Variants in IGDCC4 observed in about 807,000 individuals in gnomAD.
IGDCC4 encodes the protein immunoglobulin superfamily DCC subclass member 4.
In IGDCC4, 72 loss-of-function variants were observed where a neutral mutation model predicts 116.6. The observed-to-expected ratio is 0.62, with a 90% CI of 0.51 to 0.75. IGDCC4 has a LOEUF of 0.75. Ranked by LOEUF, IGDCC4 falls within the 30% of genes least tolerant of loss-of-function variation. The pLI is 0.00. For synonymous variants in IGDCC4, 709 were observed against 719.9 expected (o/e 0.98, Z 0.24); for missense variants, 1,501 against 1,662.4 (o/e 0.90, Z 1.69).
At chr15:65,398,212 A>G (rs2062945128) in intron 5 of IGDCC4, among the ~76,000 whole-genome samples, 1 of 152,180 alleles carries the variant, frequency 6.6e-6, no homozygotes, top group African/African-American at 2.4e-5. Flanking sequence ...CTAGTTTTCT[A>G]CGGTGAACAT....
intron 3 of IGDCC4, among the ~76,000 whole-genome samples, chr15:65,409,490 A>G (rs1222660720): frequency 6.6e-6 from 1 of 152,222 alleles, no homozygotes; most frequent in African/African-American, 2.4e-5. Context: ...ACCAACTCAG[A>G]GACCACAGAT....
intron 16 of IGDCC4, among the ~76,000 whole-genome samples, 183 bp from the exon 17 acceptor site, chr15:65,386,839 C>T (rs1301343579): frequency 6.6e-6 from 1 of 152,188 alleles, no homozygotes; most frequent in Non-Finnish European, 1.5e-5. Flanking sequence ...CTACCTCTCC[C>T]TCTGACTGTC....
At chr15:65,416,392 CT>C (rs1384410269) in intron 1 of IGDCC4, among the ~76,000 whole-genome samples, 1 of 152,134 alleles carries the variant, frequency 6.6e-6, no homozygotes, top group Non-Finnish European at 1.5e-5. Flanking sequence ...CCGCCTCGGC[CT>C]TCCAAAGTGC....
Position 65,422,941 on chromosome 15 carries a change from C to A in IGDCC4, c.-79G>T, listed in dbSNP as rs1197290146. ...CGCCGCGGGGGGAGAGCGCGCCGGG[C>A]GTCAGTGGCCCGGGGAGGCGCGGCG... On this transcript the variant is annotated 5_prime_UTR_variant, in exon 1 of 20. Transcript: ENST00000352385. 3 of 916,870 alleles carry A rather than the reference C, an allele frequency of 3.3e-6. No individual in the cohort carries two copies. Among genetic ancestry groups the A allele is most frequent in the South Asian group, 4.9e-5 (1 of 20,292 alleles). 56.8% of individuals were successfully genotyped at this position (916,870 alleles called of 1,614,324 possible). A position where few individuals can be genotyped will look rare whatever the true frequency, so the allele number is the denominator to read the frequency against.
In IGDCC4 at chr15:65,401,983, C is replaced by T. The variant is rs183119948; in HGVS notation, c.700+368G>A. On this transcript the variant is annotated intron_variant, in intron 4 of 19. Transcript: ENST00000352385. ...CCCCAGTGCCTGGACCCCTCAGTGA[C>T]TATAGAAGGGCAGGAGAGAAAGGGG... Among the ~76,000 whole-genome samples, 231 of 152,284 alleles carry T rather than the reference C, an allele frequency of 1.5e-3. 1 individual carries two copies. The highest frequency in any genetic ancestry group is 2.5e-3 in the Non-Finnish European group (172 of 68,018).
intron 5 of IGDCC4, among the ~76,000 whole-genome samples, chr15:65,397,378 A>G (rs1366921307): frequency 6.6e-6 from 1 of 152,228 alleles, no homozygotes; most frequent in Non-Finnish European, 1.5e-5. Context: ...GACCAAGCCA[A>G]CGATTCGAAT....
intron 3 of IGDCC4, among the ~76,000 whole-genome samples, chr15:65,407,297 A>G (rs1027345141): frequency 3.9e-5 from 6 of 152,206 alleles, no homozygotes; most frequent in Non-Finnish European, 7.4e-5. Context: ...TTGAAAAAAA[A>G]AAAAGATGAT....
intron 7 of IGDCC4, 41 bp from the exon 8 acceptor site, chr15:65,395,299 C>G (rs954519297): frequency 6.3e-7 from 1 of 1,580,330 alleles, no homozygotes; most frequent in African/African-American, 1.3e-5. Context: ...TAGTGCCACC[C>G]CCCCGTGCTG....
rs1373200870 is a variant in IGDCC4 at position 65,395,930 on chromosome 15, C to T, written c.1231G>A (p.Ala411Thr). The change falls in exon 7 of 20, where the codon GCG becomes ACG. Residue 411 changes from alanine to threonine, a missense_variant. Ala to Thr is a moderately conservative substitution (Grantham distance 58). This residue lies in a region of IGDCC4 where 898 missense variants were observed against 978.9 expected (regional missense o/e 0.92). Coordinates refer to ENST00000352385, the MANE Select transcript of IGDCC4 (RefSeq NM_020962.3). Reference sequence around the variant, plus strand: ...GACGCGGCAGCGCACGCCATTCCCGCGCTGTTCTCAGCCACGCACTGGTAG... The same window carrying T: ...GACGCGGCAGCGCACGCCATTCCCGTGCTGTTCTCAGCCACGCACTGGTAG... The part of the protein sequence containing the change: ...GYYQCVAENS[A>T]GMACAAASLA... The T allele has an allele frequency of 2.5e-6, 4 of 1,592,030 alleles. No homozygotes were observed. The highest frequency in any genetic ancestry group is 2.2e-5 in the East Asian group (1 of 44,450).
chr15:65,404,712 T>A (rs12592280), intron 3 of IGDCC4, among the ~76,000 whole-genome samples: 32,450 of 152,118 alleles, frequency 0.21, 4,321 homozygotes, highest in East Asian at 0.69. Flanking sequence ...AATGAATGAA[T>A]TCCTTTCCCC....
chr15:65,383,755 A>G lies in IGDCC4; in HGVS notation c.*254T>C, dbSNP rs2091424033. 9.7e-6 allele frequency: 4 copies of G among 410,332 alleles called. No homozygotes were observed. The highest frequency in any genetic ancestry group is 8.2e-5 in the Admixed American group (2 of 24,522). The allele number at this position is 410,332 out of a possible 1,614,324, so 25.4% of individuals were successfully genotyped here. A position where few individuals can be genotyped will look rare whatever the true frequency, so the allele number is the denominator to read the frequency against. On this transcript the variant is annotated 3_prime_UTR_variant, in exon 20 of 20. Coordinates refer to ENST00000352385, the MANE Select transcript of IGDCC4 (RefSeq NM_020962.3). ...TCCCAGCTCAACAACCAGTACGCAT[A>G]CATGCACTTCACACATGTGCACATC...
chr15:65,414,016 C>T (rs2063121398), intron 1 of IGDCC4, among the ~76,000 whole-genome samples: 1 of 152,196 alleles, frequency 6.6e-6, no homozygotes, highest in African/African-American at 2.4e-5. Context: ...AGACCACACA[C>T]AAATTGGTAA....
At chr15:65,387,185 C>A (rs1427889660) in intron 16 of IGDCC4, among the ~76,000 whole-genome samples, 2 of 151,874 alleles carry the variant, frequency 1.3e-5, no homozygotes, top group African/African-American at 4.8e-5. Flanking sequence ...AGCTACCACA[C>A]CCAGATAATT....
At chr15:65,416,502 C>T (rs994119775) in intron 1 of IGDCC4, among the ~76,000 whole-genome samples, 1 of 152,180 alleles carries the variant, frequency 6.6e-6, no homozygotes, top group Non-Finnish European at 1.5e-5. Flanking sequence ...ATAAGTGTGG[C>T]TCCCATACCA....
At chr15:65,409,493 C>G (rs1031922615) in intron 3 of IGDCC4, among the ~76,000 whole-genome samples, 1 of 152,184 alleles carries the variant, frequency 6.6e-6, no homozygotes. Flanking sequence ...AACTCAGAGA[C>G]CACAGATGCA....
chr15:65,388,807 C>T lies in IGDCC4; in HGVS notation c.2707+1G>A. The T allele has an allele frequency of 6.2e-7, 1 of 1,613,950 alleles. No individual in the cohort carries two copies. The highest frequency in any genetic ancestry group is 2.2e-5 in the East Asian group (1 of 44,874). On this transcript the variant is annotated splice_donor_variant, in intron 15 of 19. Transcript: ENST00000352385. LOFTEE classifies it high-confidence loss of function. ...AGATGCCCTGGGGCAGGAGCCCTCA[C>T]CCTGCGTGGTGAGCAAGGTCCACTG... is the stretch of plus-strand genomic sequence containing the variant.
rs1238130961 is a variant in IGDCC4, at chr15:65,388,223, A to G, written c.2845+226T>C. 4.0e-5 allele frequency among the ~76,000 whole-genome samples: 6 copies of G among 151,542 alleles called. No individual in the cohort carries two copies. The East Asian group carries it at 1.2e-3, about 30-fold the overall frequency. On this transcript the variant is annotated intron_variant, in intron 16 of 19. Transcript: ENST00000352385. ...TGCGCCATTGCACTCTAGCCTGGGC[A>G]ACAAGAGTGAAACTCCATCTCAGAA...
intron 17 of IGDCC4, among the ~76,000 whole-genome samples, 153 bp from the exon 18 acceptor site, chr15:65,386,212 G>A (rs182773489): frequency 1.4e-4 from 21 of 152,336 alleles, no homozygotes; most frequent in Admixed American, 7.8e-4. Flanking sequence ...AACTGCTATT[G>A]TTCAAAACAG....
Position 65,384,397 on chromosome 15 carries a change from G to A in IGDCC4, c.3365C>T (p.Pro1122Leu). 2 of 1,519,192 alleles carry A rather than the reference G, an allele frequency of 1.3e-6. No individual in the cohort carries two copies. The highest frequency in any genetic ancestry group is 1.8e-6 in the Non-Finnish European group (2 of 1,137,128). 94.1% of individuals were successfully genotyped at this position (1,519,192 alleles called of 1,614,324 possible). Residue 1122 changes from proline to leucine, a missense_variant, in exon 20 of 20, where the codon CCC becomes CTC. Physicochemically the swap from Pro to Leu is moderately conservative, Grantham distance 98. Around this residue, in one of 3 missense-constraint regions of IGDCC4, gnomAD observed 368 missense variants for 355.6 expected, o/e 1.03. Coordinates refer to ENST00000352385, the MANE Select transcript of IGDCC4 (RefSeq NM_020962.3). This position sits in a 1 kb window ranked among gnomAD's most constrained non-coding sequence, Gnocchi z 4.9. Reference sequence around the variant, plus strand: ...CTCCACCTGGTTCCTGCAGGCTGGGGGTGACTTCTTCCTCCCATTGCCCTG... The same window carrying A: ...CTCCACCTGGTTCCTGCAGGCTGGGAGTGACTTCTTCCTCCCATTGCCCTG... ...AIKGNGRKKS[P>L]PACRNQVEAE...
Sources: allele counts gnomAD v4.1 joint callset (sites outside exome capture counted in the v4.1 genomes callset), GRCh38; gene constraint gnomAD v4.1.1; regional missense constraint gnomAD v4.1.1; non-coding constraint Gnocchi (gnomAD v3.1); transcripts MANE v1.5; gene names NCBI Gene and HGNC (gene_info 2026-07-23, HGNC 2026-07-21).